Variants in HERC1 observed in about 807,000 individuals in gnomAD.
HERC1 encodes probable E3 ubiquitin-protein ligase HERC1.
A neutral mutation model predicts 554.3 loss-of-function variants in HERC1; 160 were observed. That is an observed-to-expected ratio of 0.29 (90% CI 0.25 to 0.33). HERC1 has a LOEUF of 0.33. Ranked by LOEUF, HERC1 falls within the 10% of genes least tolerant of loss-of-function variation. HERC1 has a pLI of 1.00. For missense variants in HERC1, 4,919 were observed against 5,918.5 expected (o/e 0.83, Z 5.54); for synonymous variants, 2,175 against 2,131.7 (o/e 1.02, Z -0.56).
chr15:63,626,447 A>C (rs573452358), intron 70 of HERC1, among the ~76,000 whole-genome samples: 6 of 152,344 alleles, frequency 3.9e-5, no homozygotes, highest in Middle Eastern at 3.4e-3. Flanking sequence ...AATAGAACTT[A>C]GGCAGTTCTT....
intron 8 of HERC1, among the ~76,000 whole-genome samples, chr15:63,750,170 GA>G: frequency 6.6e-6 from 1 of 152,246 alleles, no homozygotes; most frequent in Middle Eastern, 3.4e-3. Flanking sequence ...TGAGATTTAA[GA>G]TTAGAACAAG....
rs536157824 is a variant in HERC1 at position 63,625,693 on chromosome 15, C to CA, written c.13275+291dup. On this transcript the variant is annotated intron_variant, in intron 71 of 77. Coordinates refer to ENST00000443617, the MANE Select transcript of HERC1 (RefSeq NM_003922.4). ...TGGGCGACAGAGTGAGACTCCATCT[C>CA]AAAAAAAAAAAAAAAAAGAAAGAAA... Among the ~76,000 whole-genome samples the CA allele has an allele frequency of 0.61, 68,028 of 111,590 alleles. 20,509 individuals carry two copies. The highest frequency in any genetic ancestry group is 0.71 in the Non-Finnish European group (41,705 of 58,668). The allele number at this position is 111,590 out of a possible 152,430, so 73.2% of individuals were successfully genotyped here.
intron 26 of HERC1, 100 bp downstream of exon 26, chr15:63,698,628 G>A (rs2153067979): frequency 8.5e-7 from 1 of 1,169,996 alleles, no homozygotes; most frequent in South Asian, 1.7e-5. Context: ...GGGAAGGCAA[G>A]GAATAGAAGA....
chr15:63,609,941 A>G (rs1329713413), intron 77 of HERC1, among the ~76,000 whole-genome samples: 1 of 152,174 alleles, frequency 6.6e-6, no homozygotes, highest in African/African-American at 2.4e-5. Context: ...AATTCTAGAT[A>G]CATCATATAA....
At chr15:63,671,594 A>G (rs1464006124) in intron 39 of HERC1, among the ~76,000 whole-genome samples, 1 of 152,172 alleles carries the variant, frequency 6.6e-6, no homozygotes, top group Non-Finnish European at 1.5e-5. Flanking sequence ...CAGAATCACT[A>G]GAGAAACTTA....
At chr15:63,747,909 A>G (rs1347614987) in intron 10 of HERC1, 51 bp from the exon 11 acceptor site, 1 of 1,499,308 alleles carries the variant, frequency 6.7e-7, no homozygotes, top group Non-Finnish European at 8.9e-7. Context: ...TGAAATTTTT[A>G]TGCACGATCA....
At chr15:63,767,567 G>A (rs553576218) in intron 2 of HERC1, among the ~76,000 whole-genome samples, 29 of 152,078 alleles carry the variant, frequency 1.9e-4, no homozygotes, top group African/African-American at 6.0e-4. Flanking sequence ...GCGTGGTGGC[G>A]GGCACCTGTA....
In HERC1 at chr15:63,677,485, C is replaced by T. The variant is rs981041770; in HGVS notation, c.7070+360G>A. On this transcript the variant is annotated intron_variant, in intron 37 of 77. Coordinates refer to ENST00000443617, the MANE Select transcript of HERC1 (RefSeq NM_003922.4). The surrounding 1 kb of genome is among the most constrained non-coding windows in gnomAD (Gnocchi z 4.4). ...CCACAAAATGCAATGAACAGATTAGCTGGCTGGCTTTTTACTATGCCAGTG... is the reference window on the plus strand; with the variant it reads ...CCACAAAATGCAATGAACAGATTAGTTGGCTGGCTTTTTACTATGCCAGTG... Among the ~76,000 whole-genome samples, 5 of 152,226 alleles carry T rather than the reference C, an allele frequency of 3.3e-5. No homozygotes were observed. Among genetic ancestry groups the T allele is most frequent in the African/African-American group, 1.2e-4 (5 of 41,460 alleles).
Position 63,633,902 on chromosome 15 carries a change from A to G in HERC1, c.12639T>C (p.Asp4213=), listed in dbSNP as rs1396225782. The change falls in exon 67 of 78, where the codon GAT becomes GAC. Residue 4213 remains aspartate (D), a synonymous_variant. Transcript: ENST00000443617. ...ADGSMVWAFG[D]GDYGKLGLGN... ...CTAAGCCTAGTTTTCCATAGTCTCC[A>G]TCTCCAAAAGCCCACACCATGGAAC... The G allele has an allele frequency of 1.2e-6, 2 of 1,613,660 alleles. No individual in the cohort carries two copies. The highest frequency in any genetic ancestry group is 1.7e-6 in the Non-Finnish European group (2 of 1,179,806).
chr15:63,636,537 C>T (rs2068789278), intron 64 of HERC1, among the ~76,000 whole-genome samples: 1 of 152,130 alleles, frequency 6.6e-6, no homozygotes, highest in South Asian at 2.1e-4. Context: ...TCCCAAAGCG[C>T]TGGGTTTACA....
rs2074082392 is a variant in HERC1, at chr15:63,727,309, C to T, written c.3346+338G>A. 6.6e-6 allele frequency among the ~76,000 whole-genome samples: 1 copy of T among 151,974 alleles called. No homozygotes were observed. The highest frequency in any genetic ancestry group is 2.1e-4 in the South Asian group (1 of 4,820). ...AAAAAAGGAAAGAATAAATTTGGAA[C>T]AACTCCATATAAAGCCTAATCAACA... On this transcript the variant is annotated intron_variant, in intron 17 of 77. Coordinates refer to ENST00000443617, the MANE Select transcript of HERC1 (RefSeq NM_003922.4). The surrounding 1 kb of genome is among the most constrained non-coding windows in gnomAD (Gnocchi z 4.3).
At chr15:63,633,434 A>G (rs896223517) in intron 67 of HERC1, among the ~76,000 whole-genome samples, 5 of 152,164 alleles carry the variant, frequency 3.3e-5, no homozygotes, top group African/African-American at 1.2e-4. Context: ...TTTCCTTTGT[A>G]TTGTTTTCTT....
chr15:63,660,895 G>GA (rs2070322450), intron 46 of HERC1, 78 bp downstream of exon 46: 1 of 898,790 alleles, frequency 1.1e-6, no homozygotes, highest in Non-Finnish European at 1.8e-6. Flanking sequence ...ACACGAAGGT[G>GA]AATTTTAGTA....
chr15:63,776,846 G>A (rs766707056), intron 1 of HERC1, among the ~76,000 whole-genome samples: 3 of 152,104 alleles, frequency 2.0e-5, no homozygotes, highest in Non-Finnish European at 4.4e-5. Context: ...GTGCACTTGA[G>A]ATTTTTACAT....
intron 18 of HERC1, among the ~76,000 whole-genome samples, chr15:63,723,642 T>C (rs1447953895): frequency 6.6e-6 from 1 of 152,192 alleles, no homozygotes; most frequent in African/African-American, 2.4e-5. Context: ...CTCTGGCGTT[T>C]TGGCAGGCAG....
intron 1 of HERC1, among the ~76,000 whole-genome samples, chr15:63,814,601 C>T (rs1175838576): frequency 1.3e-5 from 2 of 152,108 alleles, no homozygotes; most frequent in African/African-American, 2.4e-5. Context: ...GGATTACAGG[C>T]GTGCACCATC....
chr15:63,774,754 C>G lies in HERC1; in HGVS notation c.870G>C (p.Gln290His). The G allele has an allele frequency of 6.2e-7, 1 of 1,613,982 alleles. No individual in the cohort carries two copies. Among genetic ancestry groups the G allele is most frequent in the South Asian group, 1.1e-5 (1 of 91,066 alleles). ...AGCAGTCAAAGCTGATCATTCCTTC[C>G]TGGCTTGAGAGTAGTTTGCCTTTCT... Reference protein sequence around the residue: ...TMEKGKLLSSQEGMISFDCFM... With the variant: ...TMEKGKLLSSHEGMISFDCFM... Residue 290 changes from glutamine (Q) to histidine (H), a missense_variant, in exon 2 of 78, where the codon CAG (glutamine) becomes CAC (histidine). Transcript: ENST00000443617.
At chr15:63,732,816 G>T in intron 14 of HERC1, 108 bp downstream of exon 14, 3 of 696,668 alleles carry the variant, frequency 4.3e-6, no homozygotes, top group Non-Finnish European at 7.4e-6. Context: ...TGGGGGAGAG[G>T]GGTCTAGAGT....
chr15:63,612,640 G>T lies in HERC1; in HGVS notation c.14095-84C>A, dbSNP rs2067651142. ...GGCCCTGTGGGGCTAGGCGCCTCCT[G>T]ATGCCTGCTCGTCCGCTCCCCAGAC... On this transcript the variant is annotated intron_variant, in intron 76 of 77. Transcript: ENST00000443617. The surrounding 1 kb of genome is among the most constrained non-coding windows in gnomAD (Gnocchi z 5.0). 7.4e-7 allele frequency: 1 copy of T among 1,359,776 alleles called. No individual in the cohort carries two copies. Among genetic ancestry groups the T allele is most frequent in the Non-Finnish European group, 1.0e-6 (1 of 990,032 alleles). The allele number at this position is 1,359,776 out of a possible 1,614,324, so 84.2% of individuals were successfully genotyped here.
Sources: allele counts gnomAD v4.1 joint callset (sites outside exome capture counted in the v4.1 genomes callset), GRCh38; gene constraint gnomAD v4.1.1; non-coding constraint Gnocchi (gnomAD v3.1); transcripts MANE v1.5; gene names NCBI Gene and HGNC (gene_info 2026-07-23, HGNC 2026-07-21).